Variants in NFIA observed in about 807,000 individuals in gnomAD.
NFIA encodes the protein nuclear factor 1 A-type.
NFIA carries 8 observed loss-of-function variants against 62.8 expected under a neutral mutation model. The ratio of observed to expected loss-of-function variants is 0.13; its 90% CI spans 0.07 to 0.23. NFIA has a LOEUF of 0.23. NFIA is among the 10% of genes least tolerant of loss of function. NFIA has a pLI of 1.00. For synonymous variants in NFIA, 235 were observed against 238.1 expected (o/e 0.99, Z 0.12); for missense variants, 410 against 642.1 (o/e 0.64, Z 3.91).
intron 5 of NFIA, among the ~76,000 whole-genome samples, chr1:61,358,719 C>A (rs981888855): frequency 5.9e-5 from 9 of 152,164 alleles, no homozygotes; most frequent in African/African-American, 2.2e-4. Context: ...GATCACGAGC[C>A]CTGCTTTTTA....
chr1:61,187,513 G>C (rs1651280561), intron 2 of NFIA, among the ~76,000 whole-genome samples: 2 of 152,310 alleles, frequency 1.3e-5, no homozygotes, highest in Admixed American at 1.3e-4. Context: ...GGTGGTGGTG[G>C]CATGGAGATG....
rs1313392395 is a variant in NFIA at position 61,088,652 on chromosome 1, A to G, written c.531A>G (p.Leu177=). 6 of 1,613,368 alleles carry G rather than the reference A, an allele frequency of 3.7e-6. No homozygotes were observed. The highest frequency in any genetic ancestry group is 5.1e-6 in the Non-Finnish European group (6 of 1,179,622). Residue 177 remains leucine (L), a synonymous_variant, in exon 2 of 11, where the codon TTA becomes TTG. Transcript: ENST00000403491. This position sits in a 1 kb window ranked among gnomAD's most constrained non-coding sequence, Gnocchi z 4.5. ...HIGVSVKELD[L]YLAYFVHAAD... is the part of the protein sequence containing the mutation. Reference sequence around the variant, plus strand: ...GGGTTTCTGTTAAGGAACTCGATTTATATTTGGCATACTTTGTGCATGCAG... The same window carrying G: ...GGGTTTCTGTTAAGGAACTCGATTTGTATTTGGCATACTTTGTGCATGCAG...
intron 2 of NFIA, among the ~76,000 whole-genome samples, chr1:61,092,876 G>A (rs950427178): frequency 3.3e-5 from 5 of 152,034 alleles, no homozygotes; most frequent in African/African-American, 9.6e-5. Flanking sequence ...GTGTAGGGGC[G>A]TGTGTGTGCT....
intron 2 of NFIA, among the ~76,000 whole-genome samples, chr1:61,271,718 C>T (rs1197742619): frequency 1.3e-5 from 2 of 152,202 alleles, no homozygotes; most frequent in African/African-American, 2.4e-5. Context: ...CCCCTGCACC[C>T]CGCCACAGCT....
At chr1:61,089,095 C>A (rs1570124881) in intron 2 of NFIA, among the ~76,000 whole-genome samples, 1 of 152,172 alleles carries the variant, frequency 6.6e-6, no homozygotes, top group East Asian at 1.9e-4. Flanking sequence ...TTTTAACCTA[C>A]TGAGGCCTCT....
At chr1:61,398,972 T>C (rs1451975823) in intron 7 of NFIA, among the ~76,000 whole-genome samples, 1 of 152,344 alleles carries the variant, frequency 6.6e-6, no homozygotes, top group Middle Eastern at 3.4e-3. Flanking sequence ...TATGGAAAGC[T>C]TCTTTTGTTT....
At chr1:61,341,654 T>G (rs1265646892) in intron 4 of NFIA, among the ~76,000 whole-genome samples, 1 of 152,168 alleles carries the variant, frequency 6.6e-6, no homozygotes, top group African/African-American at 2.4e-5. Flanking sequence ...ATGTTTGCAT[T>G]TTTTGCAGAA....
chr1:61,178,230 T>G (rs142663979), intron 2 of NFIA, among the ~76,000 whole-genome samples: 26 of 152,296 alleles, frequency 1.7e-4, no homozygotes, highest in African/African-American at 5.8e-4. Context: ...AATAATTAGT[T>G]TAGTTTGTCA....
rs548903433 is a variant in NFIA at position 61,203,162 on chromosome 1, C to T, written c.560-74358C>T. 2.6e-5 allele frequency among the ~76,000 whole-genome samples: 4 copies of T among 152,170 alleles called. No individual in the cohort carries two copies. The East Asian group carries it at 7.7e-4, about 29-fold the overall frequency. ...CCAAATGTGTTTTTTATTCCGAGTC[C>T]CGTTGGTGTCTATGGTTTCACTTTT... On this transcript the variant is annotated intron_variant, in intron 2 of 10. Coordinates refer to ENST00000403491, the MANE Select transcript of NFIA (RefSeq NM_001134673.4).
chr1:61,358,484 C>A (rs1397302482), intron 5 of NFIA, among the ~76,000 whole-genome samples: 2 of 137,886 alleles, frequency 1.5e-5, no homozygotes, highest in Non-Finnish European at 3.1e-5. Flanking sequence ...CCTCTCAATT[C>A]AAGCAATTGT....
intron 3 of NFIA, among the ~76,000 whole-genome samples, chr1:61,288,918 C>T (rs773671623): frequency 2.0e-5 from 3 of 152,154 alleles, no homozygotes; most frequent in Non-Finnish European, 2.9e-5. Flanking sequence ...TAGGCACACG[C>T]CACCAAGCCC....
intron 6 of NFIA, among the ~76,000 whole-genome samples, chr1:61,371,052 CT>C (rs1281208731): frequency 6.6e-6 from 1 of 152,152 alleles, no homozygotes; most frequent in Non-Finnish European, 1.5e-5. Context: ...AGCAGGATTA[CT>C]TATGACTTAA....
At chr1:61,315,231 G>A (rs1317798245) in intron 3 of NFIA, among the ~76,000 whole-genome samples, 10 of 152,146 alleles carry the variant, frequency 6.6e-5, no homozygotes, top group Non-Finnish European at 1.5e-5. Context: ...GTCCCTTATG[G>A]CATTGTTGCT....
chr1:61,183,655 T>G (rs1046026652), intron 2 of NFIA, among the ~76,000 whole-genome samples: 1 of 152,208 alleles, frequency 6.6e-6, no homozygotes, highest in Non-Finnish European at 1.5e-5. Flanking sequence ...ATGTTGGTTT[T>G]CTGTTGTGTC....
chr1:61,438,998 G>GACACACACACAC (rs3076170), intron 10 of NFIA, among the ~76,000 whole-genome samples: 29 of 141,956 alleles, frequency 2.0e-4, no homozygotes, highest in African/African-American at 2.6e-4. Context: ...CATGCATGCA[G>GACACACACACAC]ACACACACAC....
intron 2 of NFIA, among the ~76,000 whole-genome samples, chr1:61,107,573 A>G (rs1646626170): frequency 6.6e-6 from 1 of 151,300 alleles, no homozygotes; most frequent in African/African-American, 2.4e-5. Context: ...CTGCATTCTA[A>G]TTTTTGGCCA....
chr1:61,159,841 C>T (rs938539672), intron 2 of NFIA, among the ~76,000 whole-genome samples: 1 of 151,856 alleles, frequency 6.6e-6, no homozygotes, highest in African/African-American at 2.4e-5. Flanking sequence ...GCCACCATGC[C>T]CGACTAATTT....
intron 2 of NFIA, among the ~76,000 whole-genome samples, chr1:61,244,491 A>G (rs1655528162): frequency 6.6e-6 from 1 of 152,178 alleles, no homozygotes; most frequent in South Asian, 2.1e-4. Flanking sequence ...TGTGTAGGGA[A>G]ACTGAAGGGC....
At chr1:61,372,447 G>C (rs557677286) in intron 6 of NFIA, among the ~76,000 whole-genome samples, 1 of 151,976 alleles carries the variant, frequency 6.6e-6, no homozygotes, top group Non-Finnish European at 1.5e-5. Flanking sequence ...AGCAGAAACA[G>C]CCTGCTAATC....
Sources: allele counts gnomAD v4.1 joint callset (sites outside exome capture counted in the v4.1 genomes callset), GRCh38; gene constraint gnomAD v4.1.1; non-coding constraint Gnocchi (gnomAD v3.1); transcripts MANE v1.5; gene names NCBI Gene and HGNC (gene_info 2026-07-23, HGNC 2026-07-21).